CDH18: variants seen among roughly 807,000 people sequenced by gnomAD.
CDH18 encodes cadherin-18.
CDH18 carries 31 observed loss-of-function variants against 67.9 expected under a neutral mutation model. The observed-to-expected ratio is 0.46, with a 90% CI of 0.34 to 0.62. The LOEUF (loss-of-function observed/expected upper bound fraction) is 0.62, where lower values mean the gene tolerates loss of function less well. CDH18 is among the 20% of genes least tolerant of loss of function. The pLI is 0.01. For synonymous variants in CDH18, 362 were observed against 347.2 expected (o/e 1.04, Z -0.48); for missense variants, 890 against 975.5 (o/e 0.91, Z 1.17).
intron 2 of CDH18, among the ~76,000 whole-genome samples, chr5:19,948,435 C>A (rs1222637391): frequency 6.6e-6 from 1 of 152,100 alleles, no homozygotes; most frequent in African/African-American, 2.4e-5. Flanking sequence ...TATGTTGATA[C>A]ACGCAACGAC....
At chr5:20,239,918 TAAAC>T (rs1222634710) in intron 2 of CDH18, among the ~76,000 whole-genome samples, 12 of 151,280 alleles carry the variant, frequency 7.9e-5, no homozygotes, top group Non-Finnish European at 1.5e-4. Flanking sequence ...AAAAAAAAAA[TAAAC>T]AGAGAATATA....
chr5:19,480,234 C>T (rs1426798712), intron 12 of CDH18, among the ~76,000 whole-genome samples: 1 of 152,016 alleles, frequency 6.6e-6, no homozygotes, highest in East Asian at 1.9e-4. Flanking sequence ...TGTTGTGCAG[C>T]CTTGTTTTCT....
chr5:19,937,981 T>C (rs1426512550), intron 2 of CDH18, among the ~76,000 whole-genome samples: 1 of 143,906 alleles, frequency 6.9e-6, no homozygotes, highest in African/African-American at 2.7e-5. Flanking sequence ...ATATAGTGTA[T>C]ATAAATAGCA....
chr5:20,532,560 A>T (rs1756470604), intron 1 of CDH18, among the ~76,000 whole-genome samples: 1 of 152,054 alleles, frequency 6.6e-6, no homozygotes, highest in Non-Finnish European at 1.5e-5. Flanking sequence ...CTTGAACATT[A>T]TTTCTGAAAA....
chr5:20,208,176 G>A (rs1028871923), intron 2 of CDH18, among the ~76,000 whole-genome samples: 1 of 152,146 alleles, frequency 6.6e-6, no homozygotes, highest in Non-Finnish European at 1.5e-5. Context: ...AACCATGGCA[G>A]AAGGTGAAAC....
intron 5 of CDH18, among the ~76,000 whole-genome samples, chr5:19,644,270 A>G (rs548256744): frequency 6.6e-6 from 1 of 152,280 alleles, no homozygotes; most frequent in African/African-American, 2.4e-5. Context: ...GGAAGCTAGA[A>G]AAACAAATAA....
At chr5:19,584,666 G>T (rs539648672) in intron 7 of CDH18, among the ~76,000 whole-genome samples, 1 of 151,502 alleles carries the variant, frequency 6.6e-6, no homozygotes, top group Non-Finnish European at 1.5e-5. Flanking sequence ...GTTCAAGGGA[G>T]GCCAGATGCA....
chr5:19,591,727 C>T (rs1745171132), intron 6 of CDH18, among the ~76,000 whole-genome samples: 1 of 151,918 alleles, frequency 6.6e-6, no homozygotes, highest in South Asian at 2.1e-4. Context: ...TTATTTTTAT[C>T]AAGAATAGTG....
intron 5 of CDH18, among the ~76,000 whole-genome samples, chr5:19,615,142 T>C (rs1171229562): frequency 1.9e-5 from 2 of 104,510 alleles, no homozygotes; most frequent in Non-Finnish European, 4.1e-5. Flanking sequence ...GGAGACTCCA[T>C]CTCAAAAAAG....
At chr5:19,646,036 A>G (rs893439190) in intron 5 of CDH18, among the ~76,000 whole-genome samples, 3 of 152,204 alleles carry the variant, frequency 2.0e-5, no homozygotes, top group Non-Finnish European at 4.4e-5. Context: ...GAGATCTTCA[A>G]TGTGAGGCCA....
At chr5:20,473,567 T>C (rs187239970) in intron 1 of CDH18, among the ~76,000 whole-genome samples, 12 of 152,068 alleles carry the variant, frequency 7.9e-5, no homozygotes, top group Non-Finnish European at 1.5e-4. Context: ...GTACTTAAAA[T>C]ATTGTTCTTT....
chr5:19,839,119 G>T lies in CDH18; in HGVS notation c.-133C>A, dbSNP rs752801230. The stretch of plus-strand genomic sequence containing the variant: ...AAAGTAAATTGTTTAGCGTGTCCAT[G>T]ATTTAACTGTCCATCAGGGAAAGGT... On this transcript the variant is annotated 5_prime_UTR_variant, in exon 3 of 13. Coordinates refer to ENST00000382275, the MANE Select transcript of CDH18 (RefSeq NM_004934.5). 11 of 651,422 alleles carry T rather than the reference G, an allele frequency of 1.7e-5. No individual in the cohort carries two copies. The highest frequency in any genetic ancestry group is 2.7e-5 in the Non-Finnish European group (10 of 368,670). The allele number at this position is 651,422 out of a possible 1,614,324, so 40.4% of individuals were successfully genotyped here. A position where few individuals can be genotyped will look rare whatever the true frequency, so the allele number is the denominator to read the frequency against.
intron 1 of CDH18, among the ~76,000 whole-genome samples, chr5:20,562,233 GGAAATA>G (rs1295923433): frequency 6.6e-6 from 1 of 151,654 alleles, no homozygotes; most frequent in African/African-American, 2.4e-5. Flanking sequence ...ATAAATTCTT[GGAAATA>G]GAAATAGAAA....
chr5:20,332,295 TA>T (rs1420913314), intron 1 of CDH18, among the ~76,000 whole-genome samples: 1 of 152,252 alleles, frequency 6.6e-6, no homozygotes, highest in African/African-American at 2.4e-5. Flanking sequence ...CATCTTCCAC[TA>T]CCCTCAGTTT....
upstream of CDH18, among the ~76,000 whole-genome samples, chr5:19,990,976 C>T (rs989002326): frequency 6.6e-6 from 1 of 152,182 alleles, no homozygotes; most frequent in African/African-American, 2.4e-5. Context: ...ATTTCTGATA[C>T]TGAATTCCCA....
At chr5:19,604,159 T>C (rs1747641962) in intron 6 of CDH18, among the ~76,000 whole-genome samples, 1 of 152,064 alleles carries the variant, frequency 6.6e-6, no homozygotes, top group African/African-American at 2.4e-5. Flanking sequence ...TTTAATATAC[T>C]TTCTTTTCCT....
At chr5:19,937,807 G>A (rs532485767) in intron 2 of CDH18, among the ~76,000 whole-genome samples, 2 of 150,736 alleles carry the variant, frequency 1.3e-5, no homozygotes, top group South Asian at 2.1e-4. Flanking sequence ...TATAGAGAGA[G>A]ACATTTTTAG....
chr5:19,977,179 A>T (rs1798584063), intron 2 of CDH18, among the ~76,000 whole-genome samples: 1 of 152,190 alleles, frequency 6.6e-6, no homozygotes, highest in Non-Finnish European at 1.5e-5. Context: ...AACATGTAAG[A>T]GAAAAATAAA....
intron 1 of CDH18, among the ~76,000 whole-genome samples, chr5:20,294,378 G>A (rs923133560): frequency 1.3e-5 from 2 of 152,128 alleles, no homozygotes; most frequent in East Asian, 1.9e-4. Flanking sequence ...TATCAACCAA[G>A]CACTGTGTGC....
Sources: allele counts gnomAD v4.1 joint callset (sites outside exome capture counted in the v4.1 genomes callset), GRCh38; gene constraint gnomAD v4.1.1; transcripts MANE v1.5; gene names NCBI Gene and HGNC (gene_info 2026-07-23, HGNC 2026-07-21).